The following CDON variants were observed in gnomAD, a reference collection of about 807,000 sequenced individuals.
CDON encodes cell adhesion associated, oncogene regulated.
A neutral mutation model predicts 120.9 loss-of-function variants in CDON; 73 were observed. The observed-to-expected ratio is 0.60, with a 90% CI of 0.50 to 0.73. The LOEUF (loss-of-function observed/expected upper bound fraction) is 0.73, where lower values mean the gene tolerates loss of function less well. Ranked by LOEUF, CDON falls within the 30% of genes least tolerant of loss-of-function variation. CDON has a pLI of 0.00. For synonymous variants in CDON, 566 were observed against 573.5 expected, an observed-to-expected ratio of 0.99 and a Z score of 0.19; for missense variants, 1,470 against 1,587.3, an observed-to-expected ratio of 0.93 and a Z score of 1.26.
chr11:125,958,201 C>T lies in CDON; in HGVS notation c.*2741G>A, dbSNP rs929585338. 66 of 152,136 alleles carry T rather than the reference C, an allele frequency of 4.3e-4. No individual in the cohort carries two copies. Among genetic ancestry groups the T allele is most frequent in the African/African-American group, 1.6e-3 (66 of 41,424 alleles). 9.4% of individuals were successfully genotyped at this position (152,136 alleles called of 1,614,324 possible). Reference sequence around the variant, plus strand: ...GACTGGTTCCATCCAAAGAGTGAACCACAATGCTTTTGGAAAGCAGTATGG... The same window carrying T: ...GACTGGTTCCATCCAAAGAGTGAACTACAATGCTTTTGGAAAGCAGTATGG... On this transcript the variant is annotated 3_prime_UTR_variant, in exon 20 of 20. Coordinates refer to ENST00000531738, the MANE Select transcript of CDON (RefSeq NM_001378964.1).
chr11:125,970,436 G>A (rs1441229007), intron 18 of CDON, among the ~76,000 whole-genome samples: 1 of 152,082 alleles, frequency 6.6e-6, no homozygotes, highest in Non-Finnish European at 1.5e-5. Flanking sequence ...GTCTCCCAAA[G>A]TGCTGGGATT....
At chr11:125,981,438 G>T in intron 16 of CDON, 109 bp from the exon 17 acceptor site, 1 of 1,069,286 alleles carries the variant, frequency 9.4e-7, no homozygotes, top group Non-Finnish European at 1.3e-6. Flanking sequence ...ACGCACACAC[G>T]CACACAGTAA....
At chr11:125,961,418 A>C (rs1474889896) in intron 19 of CDON, among the ~76,000 whole-genome samples, 1 of 152,182 alleles carries the variant, frequency 6.6e-6, no homozygotes, top group African/African-American at 2.4e-5. Flanking sequence ...ATGTTCACAA[A>C]ATGCATTCTT....
At chr11:126,050,535 CA>C (rs1555140424) in intron 1 of CDON, among the ~76,000 whole-genome samples, 3 of 138,990 alleles carry the variant, frequency 2.2e-5, no homozygotes, top group Non-Finnish European at 4.7e-5. Context: ...CACACACAAA[CA>C]AAAAAAAGTC....
chr11:126,030,960 G>A (rs762362525), intron 1 of CDON, among the ~76,000 whole-genome samples: 4 of 152,040 alleles, frequency 2.6e-5, no homozygotes, highest in Non-Finnish European at 5.9e-5. Context: ...TTAATACATA[G>A]AACATCTACT....
At chr11:126,063,290 G>C (rs1361046058), upstream of CDON, 1 of 152,356 alleles carries the variant, frequency 6.6e-6, no homozygotes, top group Non-Finnish European at 1.5e-5. Context: ...CCCTTGGAGA[G>C]ACGGCTCTTC....
intron 6 of CDON, 139 bp from the exon 7 acceptor site, chr11:126,015,649 T>C: frequency 3.3e-6 from 3 of 897,570 alleles, no homozygotes; most frequent in Non-Finnish European, 5.2e-6. Context: ...TTCTGTCTGC[T>C]GTGGTAATCA....
chr11:125,993,528 G>A (rs1182045980), intron 14 of CDON, among the ~76,000 whole-genome samples: 2 of 152,192 alleles, frequency 1.3e-5, no homozygotes, highest in Admixed American at 6.5e-5. Context: ...GAAGTCACCC[G>A]AGGGGAAGTT....
intron 17 of CDON, among the ~76,000 whole-genome samples, chr11:125,980,057 A>T (rs1946252863): frequency 6.6e-6 from 1 of 152,226 alleles, no homozygotes; most frequent in African/African-American, 2.4e-5. Flanking sequence ...ATTGTAGCAC[A>T]TTGTGGGTCA....
intron 17 of CDON, among the ~76,000 whole-genome samples, chr11:125,978,783 T>C (rs751668084): frequency 6.6e-5 from 10 of 152,206 alleles, no homozygotes; most frequent in South Asian, 2.1e-4. Context: ...GTGATACCAG[T>C]TGGAGAAACA....
intron 16 of CDON, among the ~76,000 whole-genome samples, chr11:125,983,345 C>G (rs1369839085): frequency 6.6e-6 from 1 of 151,962 alleles, no homozygotes; most frequent in Non-Finnish European, 1.5e-5. Flanking sequence ...ACACGTATTC[C>G]TAGACACACT....
intron 1 of CDON, among the ~76,000 whole-genome samples, chr11:126,048,390 G>T (rs1355827362): frequency 1.3e-5 from 2 of 152,070 alleles, no homozygotes; most frequent in Admixed American, 6.6e-5. Flanking sequence ...ATCACACATT[G>T]TATTAATCTG....
rs369898224 is a variant in CDON at position 126,021,288 on chromosome 11, G to A, written c.309C>T (p.Ile103=). The A allele has an allele frequency of 3.8e-5, 62 of 1,613,994 alleles. No individual in the cohort carries two copies. Among genetic ancestry groups the A allele is most frequent in the Admixed American group, 1.3e-4 (8 of 59,990 alleles). Residue 103 remains isoleucine, a synonymous_variant, in exon 3 of 20, where the codon ATC becomes ATT. Coordinates refer to ENST00000531738, the MANE Select transcript of CDON (RefSeq NM_001378964.1). ...GYYQCLANNS[I]GAIVSGPATV... ...TCGCAGGGCCACTCACAATGGCACC[G>A]ATGCTATTGTTGGCAAGGCACTGGT...
chr11:125,988,170 G>A (rs1451025859), intron 15 of CDON, among the ~76,000 whole-genome samples: 1 of 152,102 alleles, frequency 6.6e-6, no homozygotes, highest in Non-Finnish European at 1.5e-5. Flanking sequence ...TAGGGGCTGT[G>A]TGGGGCTGAA....
At chr11:125,962,032 G>A (rs1417124419) in intron 18 of CDON, 34 bp from the exon 19 acceptor site, 1 of 1,509,648 alleles carries the variant, frequency 6.6e-7, no homozygotes. Context: ...ACAGAATTGT[G>A]TCTAGAGGAA....
At chr11:125,999,162 T>C (rs1160600672) in intron 11 of CDON, among the ~76,000 whole-genome samples, 1 of 152,176 alleles carries the variant, frequency 6.6e-6, no homozygotes, top group Non-Finnish European at 1.5e-5. Flanking sequence ...GAAAACAGAA[T>C]GAATAGTATG....
chr11:126,037,971 G>A lies in CDON; in HGVS notation c.-61-14434C>T, dbSNP rs1243557439. Among the ~76,000 whole-genome samples the A allele has an allele frequency of 2.0e-5, 3 of 152,172 alleles. No individual in the cohort carries two copies. In the East Asian group the frequency reaches 5.8e-4, roughly 29 times the overall value. The stretch of plus-strand genomic sequence containing the variant: ...TCTATGGCAGGCTCCAAAAATGACT[G>A]CACTAAGAGGAAAGGGGGAAAAAAC... On this transcript the variant is annotated intron_variant, in intron 1 of 19. Transcript: ENST00000531738.
rs1947260334 is a variant in CDON at position 126,010,423 on chromosome 11, C to T, written c.1470G>A (p.Val490=). ...TGTATTTCCCCGCATGTTCCTGAGT[C>T]ACAGCCTGAATATGGAGAGAGCTTG... The part of the protein sequence containing the change: ...AGASSLHIQA[V]TQEHAGKYIC... The change falls in exon 8 of 20, where the codon GTG becomes GTA. Residue 490 remains valine (V), a synonymous_variant. Transcript: ENST00000531738. 1.9e-6 allele frequency: 3 copies of T among 1,613,990 alleles called. No homozygotes were observed. The South Asian group carries it at 3.3e-5, about 18-fold the overall frequency.
rs754060200 is a variant in CDON, at chr11:126,019,657, C to T, written c.458G>A (p.Arg153His). ...CAGCCATTTTCCCCGGATTTTATAG[C>T]GCACCTCAGCTTTGGGGTTACTCTC... is the stretch of plus-strand genomic sequence containing the variant. ...VPESNPKAEV[R>H]YKIRGKWLEH... is the part of the protein sequence containing the mutation. Residue 153 changes from arginine to histidine, a missense_variant, in exon 4 of 20, where the codon CGC becomes CAC. Coordinates refer to ENST00000531738, the MANE Select transcript of CDON (RefSeq NM_001378964.1). 11 of 1,614,118 alleles carry T rather than the reference C, an allele frequency of 6.8e-6. No individual in the cohort carries two copies. Among genetic ancestry groups the T allele is most frequent in the East Asian group, 4.5e-5 (2 of 44,880 alleles).
Sources: gnomAD v4.1 joint callset for allele counts (sites outside exome capture counted in the v4.1 genomes callset) on GRCh38, gnomAD v4.1.1 for gene constraint, MANE v1.5 for transcripts, NCBI Gene and HGNC (gene_info 2026-07-23, HGNC 2026-07-21) for gene names.